DOCK4: variants seen among roughly 807,000 people sequenced by gnomAD.
DOCK4 encodes dedicator of cytokinesis protein 4.
In DOCK4, 97 loss-of-function variants were observed where a neutral mutation model predicts 268.1. The ratio of observed to expected loss-of-function variants is 0.36; its 90% CI spans 0.31 to 0.43. The LOEUF (loss-of-function observed/expected upper bound fraction) is 0.43, where lower values mean the gene tolerates loss of function less well. Among genes scored for constraint, DOCK4 ranks in the 20% least tolerant of loss-of-function variants. DOCK4 has a pLI of 1.00. For synonymous variants in DOCK4, 954 were observed against 887.2 expected, an observed-to-expected ratio of 1.08 and a Z score of -1.34; for missense variants, 2,145 against 2,455.7, an observed-to-expected ratio of 0.87 and a Z score of 2.67.
chr7:111,940,083 A>T (rs760331996), intron 11 of DOCK4, 27 bp downstream of exon 11: 3 of 1,613,330 alleles, frequency 1.9e-6, no homozygotes, highest in Non-Finnish European at 2.5e-6. Flanking sequence ...TGCCTACCCC[A>T]GCCATCACCA....
Position 111,810,950 on chromosome 7 carries a change from C to T in DOCK4, c.3006+924G>A, listed in dbSNP as rs575175360. ...CTGGGAGGCGGAGGTGGCAGTGAGC[C>T]GAGACTGCGTCACTGCATTCCAGCC... On this transcript the variant is annotated intron_variant, in intron 28 of 52. Transcript: ENST00000428084. Among the ~76,000 whole-genome samples, 5 of 152,150 alleles carry T rather than the reference C, an allele frequency of 3.3e-5. No individual in the cohort carries two copies. In the South Asian group the frequency reaches 6.2e-4, roughly 19 times the overall value.
Position 111,739,240 on chromosome 7 carries a change from G to A in DOCK4, c.5126C>T (p.Ser1709Phe). The A allele has an allele frequency of 6.2e-7, 1 of 1,613,524 alleles. No homozygotes were observed. ...TSSAPSSARA[S>F]PLLSDKHKHS... ...TTTGTGTTTGTCAGACAACAAAGGA[G>A]AAGCTGGGAAGAGAAGGAGAGAGAG... Residue 1709 changes from serine (S) to phenylalanine (F), a missense_variant, in exon 49 of 53, where the codon TCT (serine) becomes TTT (phenylalanine). Physicochemically the swap from Ser to Phe is radical, Grantham distance 155 (BLOSUM62 -2). Around this residue, in one of 2 missense-constraint regions of DOCK4, gnomAD observed 547 missense variants for 469.0 expected, o/e 1.17. Transcript: ENST00000428084.
chr7:111,982,208 T>A (rs879492089), intron 7 of DOCK4, among the ~76,000 whole-genome samples: 1 of 152,180 alleles, frequency 6.6e-6, no homozygotes, highest in Non-Finnish European at 1.5e-5. Context: ...CTTAAAGGTG[T>A]TCTTGGTGAT....
In DOCK4 at chr7:112,206,230, T is replaced by G; in HGVS notation, c.-92A>C. On this transcript the variant is annotated 5_prime_UTR_variant, in exon 1 of 53. Coordinates refer to ENST00000428084, the MANE Select transcript of DOCK4 (RefSeq NM_001363540.2). Reference sequence around the variant, plus strand: ...GCACAGTCCCCGAGCAGCGCTGCAGTGCCGGAGCCCAGCGGCTTCGCGCGG... The same window carrying G: ...GCACAGTCCCCGAGCAGCGCTGCAGGGCCGGAGCCCAGCGGCTTCGCGCGG... 1 of 1,392,086 alleles carries G rather than the reference T, an allele frequency of 7.2e-7. No homozygotes were observed. The highest frequency in any genetic ancestry group is 9.9e-7 in the Non-Finnish European group (1 of 1,008,128). 86.2% of individuals were successfully genotyped at this position (1,392,086 alleles called of 1,614,324 possible).
intron 25 of DOCK4, among the ~76,000 whole-genome samples, chr7:111,841,150 C>CTGAT (rs1803658842): frequency 7.5e-6 from 1 of 134,046 alleles, no homozygotes; most frequent in South Asian, 2.1e-4. Flanking sequence ...ACTATTTTCT[C>CTGAT]TGATTTATTT....
intron 47 of DOCK4, 89 bp from the exon 48 acceptor site, chr7:111,739,566 T>C: frequency 1.7e-6 from 2 of 1,165,766 alleles, no homozygotes; most frequent in Non-Finnish European, 2.5e-6. Context: ...CAACTTTTTT[T>C]CAAATTAGCA....
At chr7:112,120,366 A>C (rs895432793) in intron 1 of DOCK4, among the ~76,000 whole-genome samples, 2 of 152,204 alleles carry the variant, frequency 1.3e-5, no homozygotes, top group African/African-American at 2.4e-5. Context: ...ATAATGTTGT[A>C]ATGCCATGAA....
chr7:111,951,646 C>T (rs1450024098), intron 8 of DOCK4, among the ~76,000 whole-genome samples: 4 of 128,730 alleles, frequency 3.1e-5, no homozygotes, highest in African/African-American at 6.3e-5. Context: ...CCCATCGCTA[C>T]CAAAAAAAAA....
chr7:111,976,272 TATATA>T (rs1798193382), intron 8 of DOCK4, among the ~76,000 whole-genome samples: 7 of 1,918 alleles, frequency 3.6e-3, no homozygotes, highest in Non-Finnish European at 6.4e-3. Flanking sequence ...GTGTCTATTA[TATATA>T]TATATATATA....
intron 12 of DOCK4, among the ~76,000 whole-genome samples, chr7:111,920,049 T>C (rs759527072): frequency 1.3e-5 from 2 of 152,136 alleles, no homozygotes; most frequent in African/African-American, 2.4e-5. Flanking sequence ...GTAGCAAATA[T>C]TTACACATTC....
intron 1 of DOCK4, among the ~76,000 whole-genome samples, chr7:112,115,911 C>T (rs1812109080): frequency 6.6e-6 from 1 of 152,172 alleles, no homozygotes; most frequent in African/African-American, 2.4e-5. Context: ...AACTCCTGGC[C>T]TTCCTGATCT....
intron 37 of DOCK4, among the ~76,000 whole-genome samples, chr7:111,767,329 C>T (rs1480981232): frequency 2.7e-5 from 4 of 150,440 alleles, no homozygotes; most frequent in African/African-American, 9.9e-5. Flanking sequence ...CTAGTTCAAG[C>T]GATTCTCCTG....
At chr7:112,154,601 C>T (rs527600709) in intron 1 of DOCK4, among the ~76,000 whole-genome samples, 1 of 152,276 alleles carries the variant, frequency 6.6e-6, no homozygotes, top group East Asian at 1.9e-4. Context: ...TACAATATAT[C>T]AAGACAACTG....
intron 34 of DOCK4, among the ~76,000 whole-genome samples, chr7:111,783,158 C>T (rs546411195): frequency 1.3e-5 from 2 of 152,256 alleles, no homozygotes; most frequent in East Asian, 3.9e-4. Context: ...TGAGCATCAG[C>T]TTCTGTTAAG....
intron 30 of DOCK4, among the ~76,000 whole-genome samples, chr7:111,793,295 A>T (rs1312293793): frequency 6.6e-6 from 1 of 152,254 alleles, no homozygotes; most frequent in African/African-American, 2.4e-5. Context: ...ACTTCCCCAC[A>T]GTCTATAAGC....
chr7:111,973,647 T>C (rs1281002992), intron 8 of DOCK4, among the ~76,000 whole-genome samples: 1 of 151,522 alleles, frequency 6.6e-6, no homozygotes, highest in Non-Finnish European at 1.5e-5. Flanking sequence ...GGAATATTAA[T>C]TTTTTAGATG....
At chr7:111,737,637 CTAATA>C (rs1404338185) in intron 49 of DOCK4, among the ~76,000 whole-genome samples, 1 of 151,964 alleles carries the variant, frequency 6.6e-6, no homozygotes, top group Non-Finnish European at 1.5e-5. Flanking sequence ...ATGGTTTTAC[CTAATA>C]TATTAAATAG....
intron 1 of DOCK4, among the ~76,000 whole-genome samples, chr7:112,082,609 T>C (rs1430184887): frequency 1.3e-5 from 2 of 152,174 alleles, no homozygotes; most frequent in South Asian, 4.1e-4. Flanking sequence ...GAATGTATTG[T>C]TAATATTAAA....
At position 111,791,101 on chromosome 7, in the gene DOCK4, A is replaced by ATATATATAT. The variant is rs1355856524; in HGVS notation, c.3167-497_3167-496insATATATATA. Among the ~76,000 whole-genome samples the ATATATATAT allele has an allele frequency of 5.7e-3, 654 of 115,720 alleles. 30 individuals carry two copies. Among genetic ancestry groups the ATATATATAT allele is most frequent in the African/African-American group, 0.024 (542 of 23,040 alleles). 75.9% of individuals were successfully genotyped at this position (115,720 alleles called of 152,430 possible). A position where few individuals can be genotyped will look rare whatever the true frequency, so the allele number is the denominator to read the frequency against. The stretch of plus-strand genomic sequence containing the variant: ...ATATATATATATATATATATATATA[A>ATATATATAT]AATAAATCATCAGGAATTGGTTATG... On this transcript the variant is annotated intron_variant, in intron 30 of 52. Transcript: ENST00000428084.
Sources: allele counts gnomAD v4.1 joint callset (sites outside exome capture counted in the v4.1 genomes callset), GRCh38; gene constraint gnomAD v4.1.1; regional missense constraint gnomAD v4.1.1; transcripts MANE v1.5; gene names NCBI Gene and HGNC (gene_info 2026-07-23, HGNC 2026-07-21).